The following FAM227A variants were observed in gnomAD, a reference collection of about 807,000 sequenced individuals.
FAM227A encodes protein FAM227A.
FAM227A carries 80 observed loss-of-function variants against 74.7 expected under a neutral mutation model. The ratio of observed to expected loss-of-function variants is 1.07; its 90% CI spans 0.89 to 1.29. The LOEUF (loss-of-function observed/expected upper bound fraction) is 1.29. Among genes scored for constraint, FAM227A ranks in the 50% most tolerant of loss-of-function variants. The pLI, the probability that FAM227A is intolerant of heterozygous loss-of-function variation, is 0.00. For synonymous variants in FAM227A, 237 were observed against 241.8 expected (o/e 0.98, Z 0.19); for missense variants, 654 against 683.4 (o/e 0.96, Z 0.48).
rs2091896360 is a variant in FAM227A, at chr22:38,630,522, C to T, written c.520-1587G>A. On this transcript the variant is annotated intron_variant, in intron 6 of 16. Coordinates refer to ENST00000535113, the MANE Select transcript of FAM227A (RefSeq NM_001013647.2). ...AACACATGGAGATGGTCATGGTCCC[C>T]GCCTCAAGGACTGTTGTGGAGGTTC... Among the ~76,000 whole-genome samples the T allele has an allele frequency of 2.0e-5, 3 of 152,160 alleles. 1 individual carries two copies. Among genetic ancestry groups the T allele is most frequent in the South Asian group, 4.1e-4 (2 of 4,828 alleles).
chr22:38,590,640 C>A (rs1467321027), intron 16 of FAM227A, among the ~76,000 whole-genome samples: 2 of 152,198 alleles, frequency 1.3e-5, no homozygotes, highest in Non-Finnish European at 2.9e-5. Flanking sequence ...CTGGCACATG[C>A]AACCAAGGAG....
chr22:38,637,185 A>G (rs1230139092), intron 5 of FAM227A, among the ~76,000 whole-genome samples: 2 of 152,168 alleles, frequency 1.3e-5, no homozygotes, highest in African/African-American at 4.8e-5. Context: ...TATATATGTG[A>G]TTTTTATGTC....
intron 12 of FAM227A, among the ~76,000 whole-genome samples, chr22:38,605,586 C>T (rs542759569): frequency 2.6e-4 from 39 of 152,220 alleles, no homozygotes; most frequent in African/African-American, 8.2e-4. Flanking sequence ...CACTGTGCCC[C>T]GCTAAAGCAG....
At chr22:38,651,434 C>T (rs914322491) in intron 1 of FAM227A, among the ~76,000 whole-genome samples, 5 of 152,096 alleles carry the variant, frequency 3.3e-5, no homozygotes, top group Admixed American at 6.6e-5. Context: ...AGTGCAGTGG[C>T]GCGATCTTGG....
At chr22:38,626,473 G>C (rs1394019687) in intron 8 of FAM227A, among the ~76,000 whole-genome samples, 170 bp from the exon 9 acceptor site, 4 of 151,930 alleles carry the variant, frequency 2.6e-5, no homozygotes, top group Non-Finnish European at 4.4e-5. Flanking sequence ...CCTGGCTGAA[G>C]TGATCCTCTA....
chr22:38,610,124 G>C (rs1202922438), intron 11 of FAM227A, among the ~76,000 whole-genome samples: 1 of 152,016 alleles, frequency 6.6e-6, no homozygotes, highest in Non-Finnish European at 1.5e-5. Flanking sequence ...ACCCAGGCTG[G>C]AGTGCAGTGG....
intron 16 of FAM227A, among the ~76,000 whole-genome samples, chr22:38,587,165 A>G (rs1200616524): frequency 6.6e-6 from 1 of 152,244 alleles, no homozygotes; most frequent in East Asian, 1.9e-4. Context: ...CTATGTTTTA[A>G]AAACAAGAAA....
At position 38,584,632 on chromosome 22, in the gene FAM227A, T is replaced by C. The variant is rs1408191565; in HGVS notation, c.*1493A>G. Reference sequence around the variant, plus strand: ...AATTTCTTTAAAAATTAGCCAGACATGGTGGCATACCTGTAGTCCTAGCTA... The same window carrying C: ...AATTTCTTTAAAAATTAGCCAGACACGGTGGCATACCTGTAGTCCTAGCTA... On this transcript the variant is annotated 3_prime_UTR_variant, in exon 17 of 17. Transcript: ENST00000535113. 6.6e-6 allele frequency: 1 copy of C among 151,958 alleles called. No homozygotes were observed. The highest frequency in any genetic ancestry group is 1.9e-4 in the East Asian group (1 of 5,174). 9.4% of individuals were successfully genotyped at this position (151,958 alleles called of 1,614,324 possible). A position where few individuals can be genotyped will look rare whatever the true frequency, so the allele number is the denominator to read the frequency against.
At chr22:38,631,544 T>C (rs2091915306) in intron 6 of FAM227A, among the ~76,000 whole-genome samples, 1 of 151,954 alleles carries the variant, frequency 6.6e-6, no homozygotes, top group African/African-American at 2.4e-5. Context: ...AAATAAAATA[T>C]GATGTAAGAA....
chr22:38,613,317 A>AATATATATCATATATC (rs2091489271), intron 11 of FAM227A, among the ~76,000 whole-genome samples: 1 of 83,312 alleles, frequency 1.2e-5, no homozygotes, highest in Non-Finnish European at 2.1e-5. Context: ...TATAACATAT[A>AATATATATCATATATC]ATATATATCA....
In FAM227A at chr22:38,617,591, G is replaced by A. The variant is rs114711125; in HGVS notation, c.1038+2621C>T. On this transcript the variant is annotated intron_variant, in intron 11 of 16. Coordinates refer to ENST00000535113, the MANE Select transcript of FAM227A (RefSeq NM_001013647.2). ...ATTACAGGCGTGAGCCTCCACACCCGGCCGGAGGAGGCTGTCTTAATGAAT... is the reference window on the plus strand; with the variant it reads ...ATTACAGGCGTGAGCCTCCACACCCAGCCGGAGGAGGCTGTCTTAATGAAT... 2.1e-3 allele frequency among the ~76,000 whole-genome samples: 314 copies of A among 152,198 alleles called. 2 individuals are homozygous for A. Among genetic ancestry groups the A allele is most frequent in the African/African-American group, 7.2e-3 (300 of 41,520 alleles).
rs1244989382 is a variant in FAM227A, at chr22:38,583,146, C to A, written c.*2979G>T. On this transcript the variant is annotated 3_prime_UTR_variant, in exon 17 of 17. Transcript: ENST00000535113. Reference sequence around the variant, plus strand: ...GTGCCTTGTACTCGGCAGGTGCTCACACGTTCTGGTTTCAGAAGACTATAC... The same window carrying A: ...GTGCCTTGTACTCGGCAGGTGCTCAAACGTTCTGGTTTCAGAAGACTATAC... 2 of 548,772 alleles carry A rather than the reference C, an allele frequency of 3.6e-6. No individual in the cohort carries two copies. Among genetic ancestry groups the A allele is most frequent in the Non-Finnish European group, 6.4e-6 (2 of 313,878 alleles). 34.0% of individuals were successfully genotyped at this position (548,772 alleles called of 1,614,324 possible). A position where few individuals can be genotyped will look rare whatever the true frequency, so the allele number is the denominator to read the frequency against.
chr22:38,635,996 G>C (rs886298910), intron 6 of FAM227A, among the ~76,000 whole-genome samples: 1 of 135,478 alleles, frequency 7.4e-6, no homozygotes, highest in Non-Finnish European at 1.6e-5. Flanking sequence ...TCTCAAAAAA[G>C]TAAGAAAAAA....
intron 16 of FAM227A, 108 bp from the exon 17 acceptor site, chr22:38,586,307 A>G (rs1352129266): frequency 2.4e-6 from 3 of 1,272,498 alleles, no homozygotes; most frequent in Admixed American, 4.5e-5. Context: ...CCTTGTGTGC[A>G]TGGAATATTG....
intron 12 of FAM227A, 47 bp downstream of exon 12, chr22:38,607,342 A>G: frequency 7.1e-7 from 1 of 1,413,790 alleles, no homozygotes; most frequent in East Asian, 2.5e-5. Flanking sequence ...TTTGGAGACA[A>G]TAACTAAGCC....
At chr22:38,639,427 C>A (rs373899575) in intron 4 of FAM227A, among the ~76,000 whole-genome samples, 117 of 146,552 alleles carry the variant, frequency 8.0e-4, no homozygotes, top group South Asian at 3.9e-3. Flanking sequence ...AAAAAAAAAA[C>A]CAAGGGAATG....
In FAM227A at chr22:38,582,175, C is replaced by A. The variant is rs1416675875; in HGVS notation, c.*3950G>T. On this transcript the variant is annotated 3_prime_UTR_variant, in exon 17 of 17. Coordinates refer to ENST00000535113, the MANE Select transcript of FAM227A (RefSeq NM_001013647.2). ...TCAAGATAGTAGACATATCTGTCAC[C>A]CCCAAAAGTTTATTTGGGCCTCTTT... 3.2e-6 allele frequency: 2 copies of A among 627,422 alleles called. No homozygotes were observed. Among genetic ancestry groups the A allele is most frequent in the Non-Finnish European group, 5.5e-6 (2 of 361,974 alleles). 38.9% of individuals were successfully genotyped at this position (627,422 alleles called of 1,614,324 possible). A position where few individuals can be genotyped will look rare whatever the true frequency, so the allele number is the denominator to read the frequency against.
chr22:38,640,707 G>A lies in FAM227A; in HGVS notation c.226-983C>T, dbSNP rs11704721. Among the ~76,000 whole-genome samples, 333 of 152,280 alleles carry A rather than the reference G, an allele frequency of 2.2e-3. 1 individual carries two copies. The highest frequency in any genetic ancestry group is 3.4e-3 in the Non-Finnish European group (233 of 68,020). On this transcript the variant is annotated intron_variant, in intron 3 of 16. Coordinates refer to ENST00000535113, the MANE Select transcript of FAM227A (RefSeq NM_001013647.2). ...TTAAATGCTAAACTGCTGTGATTAC[G>A]AATCAAAGTGAGGTCAACGTGGGCC...
chr22:38,597,515 AT>A, intron 14 of FAM227A, 159 bp from the exon 15 acceptor site: 3 of 765,796 alleles, frequency 3.9e-6, no homozygotes, highest in Non-Finnish European at 6.7e-6. Context: ...TGAGCAAGAG[AT>A]GACTCTCCTG....
Sources: allele counts gnomAD v4.1 joint callset (sites outside exome capture counted in the v4.1 genomes callset), GRCh38; gene constraint gnomAD v4.1.1; transcripts MANE v1.5; gene names NCBI Gene and HGNC (gene_info 2026-07-23, HGNC 2026-07-21).